Variants in RPH3AL observed in about 807,000 individuals in gnomAD.
RPH3AL encodes rabphilin 3A like (without C2 domains), also known as rab effector Noc2.
Under a neutral mutation model 43.1 loss-of-function variants are expected in RPH3AL, and 38 were observed. The observed-to-expected ratio is 0.88, with a 90% confidence interval of 0.68 to 1.15. The LOEUF (loss-of-function observed/expected upper bound fraction) is 1.15. Among genes scored for constraint, RPH3AL ranks in the 50% most tolerant of loss-of-function variants. The probability of loss-of-function intolerance (pLI) is 0.00; values close to 1 mark genes in which losing one functional copy is unlikely to be tolerated. For synonymous variants in RPH3AL, 189 were observed against 176.3 expected, an observed-to-expected ratio of 1.07 and a Z score of -0.57; for missense variants, 462 against 423.2, an observed-to-expected ratio of 1.09 and a Z score of -0.81.
At chr17:331,582 G>A (rs947089805) in intron 2 of RPH3AL, 26 of 1,281,762 alleles carry the variant, frequency 2.0e-5, no homozygotes, top group African/African-American at 1.7e-4. Context: ...AGGGCAACTC[G>A]AGGAGGCACA....
At chr17:234,328 TGACCAACTTCCCC>T in intron 7 of RPH3AL, 2 of 141,092 alleles carry the variant, frequency 1.4e-5, no homozygotes, top group Non-Finnish European at 2.9e-5. Context: ...CTACTTACCC[TGACCAACTTCCCC>T]GAGCAGGGAG....
intron 6 of RPH3AL, among the ~76,000 whole-genome samples, chr17:258,775 T>C (rs1337379981): frequency 6.6e-6 from 1 of 150,862 alleles, no homozygotes; most frequent in Non-Finnish European, 1.5e-5. Flanking sequence ...TTTTTTTTTT[T>C]TTTGAGACAG....
rs150465949 is a variant in RPH3AL at position 297,836 on chromosome 17, G to A, written c.352-15982C>T. ...GGGCTGATGTTGCCAAGGGCATTCC[G>A]CAAACACTTGTAAGTCCCCGTTACT... On this transcript the variant is annotated intron_variant, in intron 5 of 9. Coordinates refer to ENST00000331302, the MANE Select transcript of RPH3AL (RefSeq NM_006987.4). Among the ~76,000 whole-genome samples, 206 of 152,256 alleles carry A rather than the reference G, an allele frequency of 1.4e-3. 1 individual carries two copies. The highest frequency in any genetic ancestry group is 2.2e-3 in the Non-Finnish European group (147 of 68,014).
intron 5 of RPH3AL, among the ~76,000 whole-genome samples, chr17:301,686 A>AC (rs1047300999): frequency 5.3e-5 from 8 of 151,562 alleles, no homozygotes; most frequent in African/African-American, 1.9e-4. Context: ...TGATCCTCCT[A>AC]CCTCGGCCTC....
rs769005019 is a variant in RPH3AL at position 331,699 on chromosome 17, C to A, written c.-37+2060G>T. ...AGGGCCTCATCAGCCGACCCCCATG[C>A]CCGGCACCCCCTTCACCAGTGGGTA... On this transcript the variant is annotated intron_variant, in intron 2 of 9. Transcript: ENST00000331302. 1.9e-4 allele frequency: 243 copies of A among 1,287,826 alleles called. 2 individuals are homozygous for A. Among genetic ancestry groups the A allele is most frequent in the Non-Finnish European group, 2.5e-5 (25 of 987,666 alleles). The allele number at this position is 1,287,826 out of a possible 1,614,324, so 79.8% of individuals were successfully genotyped here. A position where few individuals can be genotyped will look rare whatever the true frequency, so the allele number is the denominator to read the frequency against.
chr17:266,584 C>G (rs72821636), intron 6 of RPH3AL, among the ~76,000 whole-genome samples: 9,759 of 152,306 alleles, frequency 0.064, 428 homozygotes, highest in Non-Finnish European at 0.087. Context: ...GCTCCCCACT[C>G]AGCCCAGGAG....
At chr17:315,142 C>T (rs1326758238) in intron 5 of RPH3AL, among the ~76,000 whole-genome samples, 2 of 137,406 alleles carry the variant, frequency 1.5e-5, no homozygotes, top group African/African-American at 2.7e-5. Context: ...TGCTCCACCT[C>T]CATTGACCTG....
chr17:342,362 C>A (rs2045141625), intron 1 of RPH3AL, among the ~76,000 whole-genome samples: 1 of 152,156 alleles, frequency 6.6e-6, no homozygotes, highest in African/African-American at 2.4e-5. Context: ...CAGGTATAGA[C>A]CCAAAAGAAT....
intron 2 of RPH3AL, chr17:330,883 A>AT (rs901594671): frequency 6.6e-6 from 1 of 151,932 alleles, no homozygotes; most frequent in Non-Finnish European, 1.5e-5. Flanking sequence ...CTCAAAAAAA[A>AT]AAAAAAGATC....
At chr17:277,910 G>A (rs760929160) in intron 6 of RPH3AL, among the ~76,000 whole-genome samples, 11 of 152,008 alleles carry the variant, frequency 7.2e-5, no homozygotes, top group Non-Finnish European at 1.5e-4. Context: ...AGCTGAGATC[G>A]TGGCACTGCC....
intron 1 of RPH3AL, among the ~76,000 whole-genome samples, chr17:337,602 G>A (rs1430825597): frequency 2.0e-5 from 3 of 152,220 alleles, no homozygotes; most frequent in African/African-American, 7.2e-5. Flanking sequence ...CCGTCCAGGA[G>A]GCACCCCAAC....
intron 5 of RPH3AL, among the ~76,000 whole-genome samples, chr17:304,569 G>T (rs1459085268): frequency 6.6e-6 from 1 of 152,084 alleles, no homozygotes; most frequent in Admixed American, 6.5e-5. Context: ...AGGAAGTCAG[G>T]CCCCTTCTCA....
chr17:318,346 C>A (rs1001706282), intron 5 of RPH3AL, among the ~76,000 whole-genome samples: 1 of 152,176 alleles, frequency 6.6e-6, no homozygotes, highest in African/African-American at 2.4e-5. Context: ...GCACCATTTG[C>A]ACTCCAGCCT....
chr17:227,324 C>T (rs117487728), intron 7 of RPH3AL, among the ~76,000 whole-genome samples: 14 of 148,364 alleles, frequency 9.4e-5, no homozygotes, highest in East Asian at 3.9e-4. Flanking sequence ...TTTTGGTACA[C>T]GGAGCGGGGG....
intron 6 of RPH3AL, among the ~76,000 whole-genome samples, chr17:262,707 C>T (rs782573045): frequency 1.2e-4 from 18 of 152,156 alleles, no homozygotes; most frequent in African/African-American, 2.2e-4. Context: ...AACCATCAAA[C>T]GAATCCTAAG....
rs1187639900 is a variant in RPH3AL at position 213,795 on chromosome 17, C to T, written c.*57G>A. The T allele has an allele frequency of 5.9e-5, 84 of 1,431,460 alleles. 1 individual carries two copies. The highest frequency in any genetic ancestry group is 1.2e-4 in the Admixed American group (7 of 57,722). 88.7% of individuals were successfully genotyped at this position (1,431,460 alleles called of 1,614,324 possible). A position where few individuals can be genotyped will look rare whatever the true frequency, so the allele number is the denominator to read the frequency against. The stretch of plus-strand genomic sequence containing the variant: ...GCACAAGGACCGGTCAGGGAGGAGC[C>T]GGGCAGGGTCTGGCAGGAATCCTCC... On this transcript the variant is annotated 3_prime_UTR_variant, in exon 10 of 10. Coordinates refer to ENST00000331302, the MANE Select transcript of RPH3AL (RefSeq NM_006987.4).
intron 5 of RPH3AL, among the ~76,000 whole-genome samples, chr17:301,549 C>T (rs551709452): frequency 8.7e-4 from 133 of 152,312 alleles, no homozygotes; most frequent in Middle Eastern, 3.4e-3. Flanking sequence ...AAGGGATCCT[C>T]CTGCCTTGGC....
At chr17:330,402 G>A (rs1041439374) in intron 2 of RPH3AL, among the ~76,000 whole-genome samples, 4 of 152,240 alleles carry the variant, frequency 2.6e-5, no homozygotes, top group Non-Finnish European at 4.4e-5. Context: ...GAGGCTAATG[G>A]ACAAGCAAGG....
At position 213,931 on chromosome 17, in the gene RPH3AL, T is replaced by G. The variant is rs2040730079; in HGVS notation, c.877-8A>C. ...TCCAGGTGTGTCTTTTACCTTTGGA[T>G]GAGAGAAAAGGCCACCACATGGTGA... is the stretch of plus-strand genomic sequence containing the variant. On this transcript the variant is annotated splice_polypyrimidine_tract_variant and splice_region_variant and intron_variant, in intron 9 of 9. Coordinates refer to ENST00000331302, the MANE Select transcript of RPH3AL (RefSeq NM_006987.4). The G allele has an allele frequency of 6.2e-7, 1 of 1,610,844 alleles. No individual in the cohort carries two copies. Among genetic ancestry groups the G allele is most frequent in the East Asian group, 2.2e-5 (1 of 44,842 alleles).
Sources: allele counts gnomAD v4.1 joint callset (sites outside exome capture counted in the v4.1 genomes callset), GRCh38; gene constraint gnomAD v4.1.1; transcripts MANE v1.5; gene names NCBI Gene and HGNC (gene_info 2026-07-23, HGNC 2026-07-21).